Variants in KIF13A observed in about 807,000 individuals in gnomAD.
The protein encoded by KIF13A is kinesin-like protein KIF13A.
A neutral mutation model predicts 212.2 loss-of-function variants in KIF13A; 79 were observed. The ratio of observed to expected loss-of-function variants is 0.37; its 90% CI spans 0.31 to 0.45. The LOEUF (loss-of-function observed/expected upper bound fraction) is 0.45, where lower values mean the gene tolerates loss of function less well. Among genes scored for constraint, KIF13A ranks in the 20% least tolerant of loss-of-function variants. The probability of loss-of-function intolerance (pLI) is 1.00; values close to 1 mark genes in which losing one functional copy is unlikely to be tolerated. For missense variants in KIF13A, 1,901 were observed against 2,209.0 expected, an observed-to-expected ratio of 0.86 and a Z score of 2.79; for synonymous variants, 789 against 808.6, an observed-to-expected ratio of 0.98 and a Z score of 0.41.
chr6:17,863,136 G>C (rs892477728), intron 4 of KIF13A, among the ~76,000 whole-genome samples: 1 of 152,110 alleles, frequency 6.6e-6, no homozygotes, highest in Non-Finnish European at 1.5e-5. Flanking sequence ...CTTGTTCTTA[G>C]AAAGATTTCT....
intron 13 of KIF13A, among the ~76,000 whole-genome samples, chr6:17,830,749 T>C (rs1275280387): frequency 6.6e-6 from 1 of 152,156 alleles, no homozygotes; most frequent in Admixed American, 6.5e-5. Context: ...ACTAAGAACC[T>C]CCAGAGCTTC....
chr6:17,821,768 T>C (rs1764474870), intron 16 of KIF13A: 6 of 1,535,118 alleles, frequency 3.9e-6, no homozygotes, highest in Non-Finnish European at 5.2e-6. Flanking sequence ...CTCATGCCAA[T>C]GCCAATCAGT....
intron 2 of KIF13A, among the ~76,000 whole-genome samples, chr6:17,983,382 T>G (rs1257345306): frequency 2.0e-5 from 3 of 151,966 alleles, no homozygotes; most frequent in African/African-American, 7.3e-5. Context: ...CATTTCACTG[T>G]GTATGTCACC....
rs1188534126 is a variant in KIF13A at position 17,839,891 on chromosome 6, T to A, written c.831-2308A>T. 6.6e-6 allele frequency among the ~76,000 whole-genome samples: 1 copy of A among 152,150 alleles called. No homozygotes were observed. The highest frequency in any genetic ancestry group is 2.4e-5 in the African/African-American group (1 of 41,428). ...GAACAAACCCTGCTGACCCCTTGATTTCAGATTTCTCGCCTGCAGAATTGT... is the reference window on the plus strand; with the variant it reads ...GAACAAACCCTGCTGACCCCTTGATATCAGATTTCTCGCCTGCAGAATTGT... On this transcript the variant is annotated intron_variant, in intron 9 of 38. Coordinates refer to ENST00000259711, the MANE Select transcript of KIF13A (RefSeq NM_022113.6). The surrounding 1 kb of genome is among the most constrained non-coding windows in gnomAD (Gnocchi z 4.3).
chr6:17,805,542 T>C lies in KIF13A; in HGVS notation c.2237A>G (p.Glu746Gly). 2 of 1,613,772 alleles carry C rather than the reference T, an allele frequency of 1.2e-6. No individual in the cohort carries two copies. The highest frequency in any genetic ancestry group is 1.3e-5 in the African/African-American group (1 of 75,034). ...GTCAATTAATTTATTCTCCAGCTTC[T>C]CAATGGTCCACACTTGGGTGCTCTT... ...KGKSTQVWTI[E>G]KLENKLIDMR... is the part of the protein sequence containing the mutation. The change falls in exon 19 of 39, where the codon GAG becomes GGG. Residue 746 changes from glutamate (E) to glycine (G), a missense_variant. This residue lies in a region of KIF13A where 534 missense variants were observed against 536.9 expected (regional missense o/e 0.99). Transcript: ENST00000259711.
intron 25 of KIF13A, among the ~76,000 whole-genome samples, chr6:17,790,969 G>A (rs1334949349): frequency 6.6e-6 from 1 of 152,004 alleles, no homozygotes; most frequent in African/African-American, 2.4e-5. Flanking sequence ...AAGTAATCAC[G>A]TTGAAAACAA....
chr6:17,830,717 C>T lies in KIF13A; in HGVS notation c.1401+384G>A, dbSNP rs1338010972. On this transcript the variant is annotated intron_variant, in intron 13 of 38. Coordinates refer to ENST00000259711, the MANE Select transcript of KIF13A (RefSeq NM_022113.6). ...AGGCTTGTGTTGATCTTGAGATCTC[C>T]TTGGAATTACTCAGAAGCATAACTA... Among the ~76,000 whole-genome samples the T allele has an allele frequency of 3.3e-5, 5 of 152,132 alleles. No individual in the cohort carries two copies. In the East Asian group the frequency reaches 7.7e-4, roughly 23 times the overall value.
Position 17,837,164 on chromosome 6 carries a change from G to T in KIF13A, c.943-74C>A. The T allele has an allele frequency of 7.9e-7, 1 of 1,261,092 alleles. No homozygotes were observed. Among genetic ancestry groups the T allele is most frequent in the Non-Finnish European group, 1.1e-6 (1 of 871,948 alleles). 78.1% of individuals were successfully genotyped at this position (1,261,092 alleles called of 1,614,324 possible). On this transcript the variant is annotated intron_variant, in intron 10 of 38. Transcript: ENST00000259711. The surrounding 1 kb of genome is among the most constrained non-coding windows in gnomAD (Gnocchi z 5.4). ...CACATATGATAAAAGCACTAAATGT[G>T]TTAGGTATGACATTATTCTCTATGA...
intron 2 of KIF13A, among the ~76,000 whole-genome samples, chr6:17,942,415 G>A (rs143325542): frequency 1.2e-3 from 188 of 151,832 alleles, no homozygotes; most frequent in Non-Finnish European, 2.0e-3. Context: ...AGCCTGCCTA[G>A]GTTTAAATTC....
At chr6:17,940,355 C>A (rs1776856496) in intron 2 of KIF13A, among the ~76,000 whole-genome samples, 1 of 152,092 alleles carries the variant, frequency 6.6e-6, no homozygotes, top group Non-Finnish European at 1.5e-5. Context: ...TAATGAGCTC[C>A]CAGGGTGTGC....
chr6:17,949,826 A>G (rs1777709888), intron 2 of KIF13A, among the ~76,000 whole-genome samples: 1 of 152,184 alleles, frequency 6.6e-6, no homozygotes, highest in African/African-American at 2.4e-5. Context: ...CTAAAGAATG[A>G]CAAACTAAGA....
chr6:17,783,211 A>G lies in KIF13A; in HGVS notation c.3544+435T>C, dbSNP rs1032621735. ...AAAGCACATTGGAAACCATTGTTCTAGACTTGCCCAGGTTCCATCTAATTG... is the reference window on the plus strand; with the variant it reads ...AAAGCACATTGGAAACCATTGTTCTGGACTTGCCCAGGTTCCATCTAATTG... On this transcript the variant is annotated intron_variant, in intron 29 of 38. Transcript: ENST00000259711. This position sits in a 1 kb window ranked among gnomAD's most constrained non-coding sequence, Gnocchi z 4.3. 6.6e-6 allele frequency among the ~76,000 whole-genome samples: 1 copy of G among 152,246 alleles called. No homozygotes were observed. Among genetic ancestry groups the G allele is most frequent in the Non-Finnish European group, 1.5e-5 (1 of 68,052 alleles).
chr6:17,929,699 C>T (rs1044190033), intron 2 of KIF13A, among the ~76,000 whole-genome samples: 5 of 152,136 alleles, frequency 3.3e-5, no homozygotes, highest in Admixed American at 6.5e-5. Context: ...CGCGCCCGGC[C>T]GCACTCTCAA....
At chr6:17,810,646 G>A (rs1272760998) in intron 17 of KIF13A, among the ~76,000 whole-genome samples, 1 of 152,204 alleles carries the variant, frequency 6.6e-6, no homozygotes, top group African/African-American at 2.4e-5. Flanking sequence ...TCACCATAAT[G>A]TAGAATCAGT....
At chr6:17,805,303 G>A (rs770951336) in intron 19 of KIF13A, among the ~76,000 whole-genome samples, 172 bp downstream of exon 19, 23 of 151,836 alleles carry the variant, frequency 1.5e-4, no homozygotes, top group Non-Finnish European at 2.2e-4. Context: ...CCAACTTAGC[G>A]CTTCTTTCAA....
rs1319891958 is a variant in KIF13A, at chr6:17,785,241, GA to G, written c.3488+273del. ...GATAAAAGAGTTTCTGGGCATCAGG[GA>G]ACAATGTCCAAGTTGCTTATGCAGA... On this transcript the variant is annotated intron_variant, in intron 28 of 38. Coordinates refer to ENST00000259711, the MANE Select transcript of KIF13A (RefSeq NM_022113.6). This position sits in a 1 kb window ranked among gnomAD's most constrained non-coding sequence, Gnocchi z 5.8. Among the ~76,000 whole-genome samples, 1 of 152,154 alleles carries G rather than the reference GA, an allele frequency of 6.6e-6. No individual in the cohort carries two copies. Among genetic ancestry groups the G allele is most frequent in the Non-Finnish European group, 1.5e-5 (1 of 68,030 alleles).
chr6:17,823,822 C>G (rs1764688081), intron 16 of KIF13A, among the ~76,000 whole-genome samples: 1 of 151,758 alleles, frequency 6.6e-6, no homozygotes, highest in Admixed American at 6.6e-5. Context: ...AGGCTGGTCT[C>G]CAAATCCTGG....
At chr6:17,904,769 G>T (rs372027912) in intron 2 of KIF13A, among the ~76,000 whole-genome samples, 1 of 152,310 alleles carries the variant, frequency 6.6e-6, no homozygotes, top group East Asian at 1.9e-4. Context: ...GTGGCCAAAG[G>T]CCCTGATGTA....
intron 17 of KIF13A, chr6:17,812,514 T>C (rs1763515946): frequency 6.6e-6 from 1 of 152,248 alleles, no homozygotes; most frequent in Non-Finnish European, 1.5e-5. Flanking sequence ...CACGATCTTG[T>C]TGTTTTTCAT....
Sources: gnomAD v4.1 joint callset for allele counts (sites outside exome capture counted in the v4.1 genomes callset) on GRCh38, gnomAD v4.1.1 for gene constraint, gnomAD v4.1.1 regional missense constraint, Gnocchi (gnomAD v3.1) non-coding constraint, MANE v1.5 for transcripts, NCBI Gene and HGNC (gene_info 2026-07-23, HGNC 2026-07-21) for gene names.